The following CD226 variants were observed in gnomAD, a reference collection of about 807,000 sequenced individuals.
The protein encoded by CD226 is CD226 antigen.
In CD226, 24 loss-of-function variants were observed where a neutral mutation model predicts 34.9. The ratio of observed to expected loss-of-function variants is 0.69; its 90% CI spans 0.50 to 0.97. CD226 has a LOEUF of 0.97. Ranked by LOEUF, CD226 falls within the 50% of genes least tolerant of loss-of-function variation. The pLI is 0.00. For synonymous variants in CD226, 148 were observed against 147.4 expected, an observed-to-expected ratio of 1.00 and a Z score of -0.03; for missense variants, 397 against 412.7, an observed-to-expected ratio of 0.96 and a Z score of 0.33.
chr18:69,955,606 G>T (rs931673572), intron 1 of CD226, among the ~76,000 whole-genome samples: 3 of 152,054 alleles, frequency 2.0e-5, no homozygotes, highest in Non-Finnish European at 4.4e-5. Flanking sequence ...GGTGGCTCAC[G>T]CCTGTAATCC....
chr18:69,888,696 C>T (rs1984708529), intron 3 of CD226, among the ~76,000 whole-genome samples: 1 of 152,124 alleles, frequency 6.6e-6, no homozygotes, highest in Admixed American at 6.5e-5. Context: ...TGTAGAACAG[C>T]AGTTCCTAGG....
At chr18:69,944,123 AT>A (rs1157389570) in intron 2 of CD226, among the ~76,000 whole-genome samples, 2 of 152,150 alleles carry the variant, frequency 1.3e-5, no homozygotes, top group Non-Finnish European at 2.9e-5. Context: ...TACAACTAAT[AT>A]TTTTTAAACT....
chr18:69,936,144 C>G (rs1280668899), intron 2 of CD226, among the ~76,000 whole-genome samples: 2 of 152,172 alleles, frequency 1.3e-5, no homozygotes, highest in East Asian at 3.8e-4. Flanking sequence ...TACGTGAATT[C>G]CACTGTATCA....
chr18:69,877,008 C>T lies in CD226; in HGVS notation c.728-3762G>A, dbSNP rs918827570. ...CCTCCTGAGTAGCTGGGATTACAGG[C>T]ACCCGCCACTACGTCCAGCTAATTT... On this transcript the variant is annotated intron_variant, in intron 3 of 5. Transcript: ENST00000582621. 3.2e-4 allele frequency among the ~76,000 whole-genome samples: 48 copies of T among 151,608 alleles called. No homozygotes were observed. The South Asian group carries it at 8.6e-3, about 27-fold the overall frequency.
chr18:69,951,143 A>AT (rs1264939896), upstream of CD226, among the ~76,000 whole-genome samples: 157 of 148,904 alleles, frequency 1.1e-3, no homozygotes, highest in South Asian at 1.9e-3. Context: ...TTTTAAAATT[A>AT]TTTTTTTTTT....
intron 2 of CD226, among the ~76,000 whole-genome samples, chr18:69,923,104 G>T (rs1476790009): frequency 6.6e-6 from 1 of 151,680 alleles, no homozygotes; most frequent in African/African-American, 2.4e-5. Context: ...CTACACTCCA[G>T]CCTGGGCAAC....
chr18:69,927,395 C>A (rs1309347821), intron 2 of CD226, among the ~76,000 whole-genome samples: 1 of 150,044 alleles, frequency 6.7e-6, no homozygotes, highest in East Asian at 1.9e-4. Context: ...CACAAACACA[C>A]ACACACACAC....
At position 69,855,212 on chromosome 18, in the gene CD226, G is replaced by A. The variant is rs746692466; in HGVS notation, c.*9102C>T. 9 of 152,086 alleles carry A rather than the reference G, an allele frequency of 5.9e-5. No homozygotes were observed. Among genetic ancestry groups the A allele is most frequent in the African/African-American group, 1.7e-4 (7 of 41,422 alleles). 9.4% of individuals were successfully genotyped at this position (152,086 alleles called of 1,614,324 possible). ...TTGGAACCAGATAGAGACATGACACGTGTCAGAATTATCAGACATGGAACT... is the reference window on the plus strand; with the variant it reads ...TTGGAACCAGATAGAGACATGACACATGTCAGAATTATCAGACATGGAACT... On this transcript the variant is annotated 3_prime_UTR_variant, in exon 6 of 6. Transcript: ENST00000582621.
At chr18:69,946,693 G>GCC (rs752798495) in intron 2 of CD226, 41 bp downstream of exon 2, 1 of 1,291,900 alleles carries the variant, frequency 7.7e-7, no homozygotes, top group Non-Finnish European at 1.1e-6. Flanking sequence ...TGTTGTAAGT[G>GCC]GATAAAAAGG....
chr18:69,951,005 GTGT>G (rs1233797322), upstream of CD226, among the ~76,000 whole-genome samples: 14 of 147,444 alleles, frequency 9.5e-5, no homozygotes, highest in South Asian at 9.0e-4. Context: ...GTGTGTGTGT[GTGT>G]GTGTGTAGAG....
rs143180834 is a variant in CD226 at position 69,882,828 on chromosome 18, T to C, written c.728-9582A>G. Among the ~76,000 whole-genome samples, 410 of 152,298 alleles carry C rather than the reference T, an allele frequency of 2.7e-3. 2 individuals carry two copies. The highest frequency in any genetic ancestry group is 9.2e-3 in the African/African-American group (383 of 41,554). On this transcript the variant is annotated intron_variant, in intron 3 of 5. Coordinates refer to ENST00000582621, the MANE Select transcript of CD226 (RefSeq NM_001303618.2). ...ACAGGCACATGCCACCAGGCCCAGCTAACATTTTTTTAAATTGTTTGTAGA... is the reference window on the plus strand; with the variant it reads ...ACAGGCACATGCCACCAGGCCCAGCCAACATTTTTTTAAATTGTTTGTAGA...
At chr18:69,943,550 T>C (rs1391254088) in intron 2 of CD226, among the ~76,000 whole-genome samples, 2 of 152,252 alleles carry the variant, frequency 1.3e-5, no homozygotes, top group Non-Finnish European at 2.9e-5. Context: ...TAAGATGTCC[T>C]GTTTGCTCTT....
At position 69,858,934 on chromosome 18, in the gene CD226, G is replaced by A. The variant is rs540117075; in HGVS notation, c.*5380C>T. 6.6e-6 allele frequency: 1 copy of A among 150,990 alleles called. No individual in the cohort carries two copies. Among genetic ancestry groups the A allele is most frequent in the Non-Finnish European group, 1.5e-5 (1 of 67,796 alleles). The allele number at this position is 150,990 out of a possible 1,614,324, so 9.4% of individuals were successfully genotyped here. A position where few individuals can be genotyped will look rare whatever the true frequency, so the allele number is the denominator to read the frequency against. ...TACTAAGACAGGGTTTCACCATATT[G>A]GCCAAGTTGGTCTCAAACTCCTGAC... On this transcript the variant is annotated 3_prime_UTR_variant, in exon 6 of 6. Coordinates refer to ENST00000582621, the MANE Select transcript of CD226 (RefSeq NM_001303618.2).
intron 3 of CD226, among the ~76,000 whole-genome samples, chr18:69,873,781 G>A (rs1009477377): frequency 6.6e-6 from 1 of 152,156 alleles, no homozygotes; most frequent in African/African-American, 2.4e-5. Flanking sequence ...TGAGGCACGA[G>A]ACTCATTTGA....
At chr18:69,868,085 C>T (rs947591518) in intron 4 of CD226, among the ~76,000 whole-genome samples, 1 of 152,094 alleles carries the variant, frequency 6.6e-6, no homozygotes, top group Non-Finnish European at 1.5e-5. Flanking sequence ...ATTCAATAAA[C>T]GCTCCACAGT....
Position 69,858,928 on chromosome 18 carries a change from C to T in CD226, c.*5386G>A, listed in dbSNP as rs980047801. 2.0e-5 allele frequency: 3 copies of T among 151,300 alleles called. No individual in the cohort carries two copies. The highest frequency in any genetic ancestry group is 4.4e-5 in the Non-Finnish European group (3 of 67,858). The allele number at this position is 151,300 out of a possible 1,614,324, so 9.4% of individuals were successfully genotyped here. A position where few individuals can be genotyped will look rare whatever the true frequency, so the allele number is the denominator to read the frequency against. The stretch of plus-strand genomic sequence containing the variant: ...TATTTTTACTAAGACAGGGTTTCAC[C>T]ATATTGGCCAAGTTGGTCTCAAACT... On this transcript the variant is annotated 3_prime_UTR_variant, in exon 6 of 6. Coordinates refer to ENST00000582621, the MANE Select transcript of CD226 (RefSeq NM_001303618.2).
intron 2 of CD226, among the ~76,000 whole-genome samples, chr18:69,921,443 G>A (rs187046993): frequency 1.1e-3 from 163 of 152,290 alleles, no homozygotes; most frequent in Admixed American, 2.0e-3. Context: ...TCTGTGAGAA[G>A]CTAACACATC....
chr18:69,935,344 CCAGAGCAAG>C (rs2055639492), intron 2 of CD226, among the ~76,000 whole-genome samples: 2 of 152,062 alleles, frequency 1.3e-5, no homozygotes, highest in South Asian at 4.2e-4. Flanking sequence ...AGGAAGTTTC[CCAGAGCAAG>C]TGCTGGAGAA....
intron 2 of CD226, among the ~76,000 whole-genome samples, chr18:69,900,738 CAA>C (rs34436716): frequency 4.1e-5 from 4 of 98,562 alleles, no homozygotes; most frequent in Non-Finnish European, 4.3e-5. Flanking sequence ...GACTCCGTCT[CAA>C]AAAAAAAAAA....
Sources: gnomAD v4.1 joint callset for allele counts (sites outside exome capture counted in the v4.1 genomes callset) on GRCh38, gnomAD v4.1.1 for gene constraint, MANE v1.5 for transcripts, NCBI Gene and HGNC (gene_info 2026-07-23, HGNC 2026-07-21) for gene names.